Variants in ADAMTS13 observed in about 807,000 individuals in gnomAD.
ADAMTS13 encodes the protein ADAM metallopeptidase with thrombospondin type 1 motif 13.
A neutral mutation model predicts 155.1 loss-of-function variants in ADAMTS13; 110 were observed. The observed-to-expected ratio is 0.71, with a 90% CI of 0.61 to 0.83. The LOEUF is 0.83. ADAMTS13 is among the 40% of genes least tolerant of loss of function. The pLI, the probability that ADAMTS13 is intolerant of heterozygous loss-of-function variation, is 0.00. For missense variants in ADAMTS13, 1,707 were observed against 1,891.7 expected (o/e 0.90, Z 1.81); for synonymous variants, 758 against 756.4 (o/e 1.00, Z -0.03).
At position 133,456,593 on chromosome 9, in the gene ADAMTS13, A is replaced by C; in HGVS notation, c.3598A>C (p.Lys1200Gln). The C allele has an allele frequency of 6.2e-7, 1 of 1,613,410 alleles. No individual in the cohort carries two copies. The highest frequency in any genetic ancestry group is 2.2e-5 in the East Asian group (1 of 44,870). Residue 1200 changes from lysine (K) to glutamine (Q), a missense_variant, in exon 27 of 29, where the codon AAG becomes CAG. Lys to Gln is a moderately conservative substitution (Grantham distance 53, BLOSUM62 1). This residue lies in a region of ADAMTS13 where 961 missense variants were observed against 1,107.9 expected (regional missense o/e 0.87). Coordinates refer to ENST00000355699, the MANE Select transcript of ADAMTS13 (RefSeq NM_139027.6). This position sits in a 1 kb window ranked among gnomAD's most constrained non-coding sequence, Gnocchi z 4.4. ...GCTCACCTGGAGGAAGATGTGCAGGAAGCTGTTGGACATGACTTTCAGCTC... is the reference window on the plus strand; with the variant it reads ...GCTCACCTGGAGGAAGATGTGCAGGCAGCTGTTGGACATGACTTTCAGCTC... ...GRLTWRKMCR[K>Q]LLDMTFSSKT...
At chr9:133,444,456 G>A (rs933961330) in intron 19 of ADAMTS13, among the ~76,000 whole-genome samples, 6 of 152,046 alleles carry the variant, frequency 3.9e-5, no homozygotes, top group Non-Finnish European at 7.4e-5. Flanking sequence ...GCAAGTGTGC[G>A]CCACCAAGCC....
In ADAMTS13 at chr9:133,455,452, G is replaced by T. The variant is rs782724202; in HGVS notation, c.3400+17G>T. The T allele has an allele frequency of 3.5e-5, 57 of 1,612,486 alleles. 1 individual carries two copies. The Middle Eastern group carries it at 5.1e-3, about 145-fold the overall frequency. On this transcript the variant is annotated intron_variant, in intron 25 of 28. Transcript: ENST00000355699. ...TGGGACAGGGTACGCCCAGCCTGGT[G>T]CCCCACGAAGAAGCCGCTGCTCCAG...
chr9:133,424,488 C>G lies in ADAMTS13; in HGVS notation c.330+10C>G. The G allele has an allele frequency of 6.2e-7, 1 of 1,610,004 alleles. No individual in the cohort carries two copies. Among genetic ancestry groups the G allele is most frequent in the Non-Finnish European group, 8.5e-7 (1 of 1,178,316 alleles). On this transcript the variant is annotated intron_variant, in intron 3 of 28. Coordinates refer to ENST00000355699, the MANE Select transcript of ADAMTS13 (RefSeq NM_139027.6). This position sits in a 1 kb window ranked among gnomAD's most constrained non-coding sequence, Gnocchi z 4.3. ...CACCAACCTCAACATCGTGAGTGCC[C>G]CACGCTGGACTGTGCAGGTCCCCAC...
chr9:133,416,062 GT>G (rs1309581312), intron 1 of ADAMTS13, among the ~76,000 whole-genome samples: 1 of 152,142 alleles, frequency 6.6e-6, no homozygotes, highest in East Asian at 1.9e-4. Context: ...AAGAAAAAAC[GT>G]TTATGTAGCT....
chr9:133,426,140 T>C (rs1488205613), intron 5 of ADAMTS13, 59 bp from the exon 6 acceptor site: 1 of 1,613,830 alleles, frequency 6.2e-7, no homozygotes, highest in Admixed American at 1.7e-5. Flanking sequence ...TCTGCAAAGG[T>C]GACCCCAGGG....
At chr9:133,421,900 C>G (rs961989075), upstream of ADAMTS13, 1 of 157,232 alleles carries the variant, frequency 6.4e-6, no homozygotes, top group African/African-American at 2.4e-5. Context: ...AGGGGATTGC[C>G]AGGCCGTTTG....
rs1431488366 is a variant in ADAMTS13, at chr9:133,425,290, C to A, written c.331-239C>A. Among the ~76,000 whole-genome samples the A allele has an allele frequency of 6.6e-6, 1 of 152,192 alleles. No individual in the cohort carries two copies. Among genetic ancestry groups the A allele is most frequent in the Non-Finnish European group, 1.5e-5 (1 of 68,044 alleles). Reference sequence around the variant, plus strand: ...CCATCTGTGTGCTCTCATCCCCTTGCTTTGGAGTTTGTTTTCCTTGCGTTA... The same window carrying A: ...CCATCTGTGTGCTCTCATCCCCTTGATTTGGAGTTTGTTTTCCTTGCGTTA... On this transcript the variant is annotated intron_variant, in intron 3 of 28. Coordinates refer to ENST00000355699, the MANE Select transcript of ADAMTS13 (RefSeq NM_139027.6). This position sits in a 1 kb window ranked among gnomAD's most constrained non-coding sequence, Gnocchi z 4.6.
Position 133,428,774 on chromosome 9 carries a change from A to G in ADAMTS13, c.824+3A>G. ...CGGCAGCTGCTGAGCCTGCTCAGGT[A>G]GCGGCCGCCCCGTGGGAGGGGCGCG... On this transcript the variant is annotated splice_donor_region_variant and intron_variant, in intron 7 of 28. Coordinates refer to ENST00000355699, the MANE Select transcript of ADAMTS13 (RefSeq NM_139027.6). 2 of 1,328,872 alleles carry G rather than the reference A, an allele frequency of 1.5e-6. No individual in the cohort carries two copies. The highest frequency in any genetic ancestry group is 1.9e-6 in the Non-Finnish European group (2 of 1,037,338). 82.3% of individuals were successfully genotyped at this position (1,328,872 alleles called of 1,614,324 possible).
chr9:133,423,737 G>T (rs905927752), intron 2 of ADAMTS13, among the ~76,000 whole-genome samples: 6 of 152,246 alleles, frequency 3.9e-5, no homozygotes, highest in Admixed American at 3.9e-4. Flanking sequence ...TTTGTGACCT[G>T]GTTCTTTGTG....
rs1554795164 is a variant in ADAMTS13 at position 133,454,542 on chromosome 9, C to G, written c.3172C>G (p.Leu1058Val). The G allele has an allele frequency of 6.2e-7, 1 of 1,609,562 alleles. No homozygotes were observed. Among genetic ancestry groups the G allele is most frequent in the Non-Finnish European group, 8.5e-7 (1 of 1,179,924 alleles). The stretch of plus-strand genomic sequence containing the variant: ...GGTGGACGAGGCGGCCTGTGCGGCG[C>G]TGGTGCGGCCCGAGGCCAGTGTCCC... ...VEVDEAACAA[L>V]VRPEASVPCL... The change falls in exon 24 of 29, where the codon CTG becomes GTG. Residue 1058 changes from leucine (L) to valine (V), a missense_variant. Physicochemically the swap from Leu to Val is conservative, Grantham distance 32. Coordinates refer to ENST00000355699, the MANE Select transcript of ADAMTS13 (RefSeq NM_139027.6).
chr9:133,457,120 A>G (rs587711696), intron 27 of ADAMTS13: 75 of 329,374 alleles, frequency 2.3e-4, no homozygotes, highest in African/African-American at 1.5e-3. Flanking sequence ...TTGTACATGC[A>G]TGTGCACCCA....
chr9:133,426,494 C>A, intron 6 of ADAMTS13, 149 bp downstream of exon 6: 1 of 1,110,774 alleles, frequency 9.0e-7, no homozygotes, highest in Non-Finnish European at 1.3e-6. Flanking sequence ...GGTGTGAGGA[C>A]AGGGGAACCT....
intron 21 of ADAMTS13, among the ~76,000 whole-genome samples, chr9:133,446,805 G>T (rs1554792791): frequency 6.6e-6 from 1 of 152,172 alleles, no homozygotes; most frequent in Non-Finnish European, 1.5e-5. Context: ...GTGCATAAGA[G>T]TTCCAATGTC....
intron 11 of ADAMTS13, among the ~76,000 whole-genome samples, chr9:133,433,955 G>A (rs1840987570): frequency 6.6e-6 from 1 of 152,052 alleles, no homozygotes; most frequent in African/African-American, 2.4e-5. Flanking sequence ...AATTAGCCGG[G>A]CGTGGTGGTG....
At chr9:133,415,619 G>T (rs1839543286) in intron 1 of ADAMTS13, 1 of 152,672 alleles carries the variant, frequency 6.5e-6, no homozygotes, top group African/African-American at 2.4e-5. Context: ...CCCAGTGGGA[G>T]TGGGCGCCAC....
At chr9:133,452,412 T>C (rs1056379551) in intron 23 of ADAMTS13, among the ~76,000 whole-genome samples, 1 of 152,186 alleles carries the variant, frequency 6.6e-6, no homozygotes, top group African/African-American at 2.4e-5. Flanking sequence ...CATACAAAAT[T>C]GTTTTAAATG....
In ADAMTS13 at chr9:133,431,570, G is replaced by A. The variant is rs188945868; in HGVS notation, c.988-1018G>A. Reference sequence around the variant, plus strand: ...CTCGAATTCTGACCTCAGGTGATCCGCCCGCCTTGGCCTCCCAAAGTGCTG... The same window carrying A: ...CTCGAATTCTGACCTCAGGTGATCCACCCGCCTTGGCCTCCCAAAGTGCTG... On this transcript the variant is annotated intron_variant, in intron 8 of 28. Transcript: ENST00000355699. Among the ~76,000 whole-genome samples the A allele has an allele frequency of 7.5e-3, 1,143 of 152,054 alleles. 13 individuals are homozygous for A. The highest frequency in any genetic ancestry group is 0.026 in the African/African-American group (1,093 of 41,490).
Position 133,424,586 on chromosome 9 carries a change from A to G in ADAMTS13, c.330+108A>G. 5.3e-6 allele frequency: 8 copies of G among 1,503,874 alleles called. No homozygotes were observed. The highest frequency in any genetic ancestry group is 7.2e-6 in the Non-Finnish European group (8 of 1,110,018). The allele number at this position is 1,503,874 out of a possible 1,614,324, so 93.2% of individuals were successfully genotyped here. A position where few individuals can be genotyped will look rare whatever the true frequency, so the allele number is the denominator to read the frequency against. On this transcript the variant is annotated intron_variant, in intron 3 of 28. Coordinates refer to ENST00000355699, the MANE Select transcript of ADAMTS13 (RefSeq NM_139027.6). The surrounding 1 kb of genome is among the most constrained non-coding windows in gnomAD (Gnocchi z 4.3). ...TGAATACAGTGGGTTAAACTCAGGT[A>G]GAATGGCTCGGGGTTCTTCCTCTTC... is the stretch of plus-strand genomic sequence containing the variant.
At chr9:133,458,745 C>T (rs1842909635) in intron 28 of ADAMTS13, among the ~76,000 whole-genome samples, 1 of 152,092 alleles carries the variant, frequency 6.6e-6, no homozygotes, top group African/African-American at 2.4e-5. Flanking sequence ...ATCAGCTTCC[C>T]CAGAGGAGGC....
Sources: allele counts gnomAD v4.1 joint callset (sites outside exome capture counted in the v4.1 genomes callset), GRCh38; gene constraint gnomAD v4.1.1; regional missense constraint gnomAD v4.1.1; non-coding constraint Gnocchi (gnomAD v3.1); transcripts MANE v1.5; gene names NCBI Gene and HGNC (gene_info 2026-07-23, HGNC 2026-07-21).